The following COL4A6 variants were observed in gnomAD, a reference collection of about 807,000 sequenced individuals.
COL4A6 encodes collagen alpha-6(IV) chain.
COL4A6 carries 59 observed loss-of-function variants against 126.7 expected under a neutral mutation model. The observed-to-expected ratio is 0.47, with a 90% CI of 0.38 to 0.58. The LOEUF is 0.58. Among genes scored for constraint, COL4A6 ranks in the 20% least tolerant of loss-of-function variants. COL4A6 has a pLI of 0.00. For synonymous variants in COL4A6, 547 were observed against 496.6 expected (o/e 1.10, Z -1.35); for missense variants, 1,285 against 1,337.3 (o/e 0.96, Z 0.61).
rs761773870 is a variant in COL4A6, at chrX:108,219,692, A to G, written c.324+6T>C. The stretch of plus-strand genomic sequence containing the variant: ...ATATGAAAAATTCATCTGTGGACAC[A>G]CTCACCGGAATCCCATTGATGCCAA... On this transcript the variant is annotated splice_donor_region_variant and intron_variant, in intron 5 of 44. Transcript: ENST00000334504. The G allele has an allele frequency of 5.8e-6, 7 of 1,206,172 alleles. No individual in the cohort carries two copies. Among genetic ancestry groups the G allele is most frequent in the Middle Eastern group, 2.3e-4 (1 of 4,338 alleles).
At chrX:108,266,881 AT>A (rs1312709727) in intron 3 of COL4A6, among the ~76,000 whole-genome samples, 2 of 111,419 alleles carry the variant, frequency 1.8e-5, no homozygotes, top group African/African-American at 3.3e-5. Flanking sequence ...TAGGGATAGG[AT>A]TTTTTGTCAT....
At chrX:108,390,162 T>G (rs998845744) in intron 2 of COL4A6, among the ~76,000 whole-genome samples, 1 of 111,556 alleles carries the variant, frequency 9.0e-6, no homozygotes, top group Non-Finnish European at 1.9e-5. Context: ...GCCCTTAACA[T>G]TTTTTCCTTC....
At chrX:108,393,438 A>G (rs2040881894) in intron 2 of COL4A6, among the ~76,000 whole-genome samples, 1 of 112,228 alleles carries the variant, frequency 8.9e-6, no homozygotes, top group African/African-American at 3.2e-5. Flanking sequence ...AGGCAAATCT[A>G]TAGAGACAGA....
intron 2 of COL4A6, among the ~76,000 whole-genome samples, chrX:108,349,962 T>G (rs747271498): frequency 5.4e-5 from 6 of 111,897 alleles, no homozygotes; most frequent in Non-Finnish European, 1.1e-4. Flanking sequence ...TTTACAGATG[T>G]GGACACTGGG....
At chrX:108,352,250 A>G (rs1268537822) in intron 2 of COL4A6, among the ~76,000 whole-genome samples, 1 of 112,838 alleles carries the variant, frequency 8.9e-6, no homozygotes, top group Non-Finnish European at 1.9e-5. Context: ...AATGAACACT[A>G]AAGCTGTGTT....
chrX:108,273,410 G>A (rs2037508220), intron 3 of COL4A6, among the ~76,000 whole-genome samples: 1 of 110,548 alleles, frequency 9.0e-6, no homozygotes, highest in Non-Finnish European at 1.9e-5. Flanking sequence ...AACCATTGTG[G>A]AAGACAGTGT....
chrX:108,344,240 C>A (rs997904216), intron 2 of COL4A6, among the ~76,000 whole-genome samples: 4 of 111,211 alleles, frequency 3.6e-5, no homozygotes, highest in Non-Finnish European at 7.5e-5. Context: ...GTTGCATCTG[C>A]CTTTTACTTC....
intron 3 of COL4A6, among the ~76,000 whole-genome samples, chrX:108,294,897 C>A (rs1335542861): frequency 1.8e-5 from 2 of 111,589 alleles, no homozygotes; most frequent in African/African-American, 6.5e-5. Context: ...AAGGGGTGAG[C>A]TTTATGGTAT....
intron 23 of COL4A6, chrX:108,183,772 C>T: frequency 2.2e-6 from 2 of 928,595 alleles, no homozygotes; most frequent in South Asian, 1.2e-4. Context: ...GCAGCAGTCA[C>T]CTAGAGCAAT....
chrX:108,219,574 C>CATAA (rs2035955279), intron 5 of COL4A6, 124 bp downstream of exon 5: 1 of 631,966 alleles, frequency 1.6e-6, no homozygotes, highest in African/African-American at 2.2e-5. Flanking sequence ...CCTCACCATA[C>CATAA]ATATCTCAAC....
intron 2 of COL4A6, among the ~76,000 whole-genome samples, chrX:108,335,627 A>C (rs1238028224): frequency 9.0e-6 from 1 of 111,569 alleles, no homozygotes; most frequent in Admixed American, 9.6e-5. Flanking sequence ...ACACACACAT[A>C]TATATACACA....
At chrX:108,169,801 C>T (rs2034245626) in intron 36 of COL4A6, 144 bp downstream of exon 36, 4 of 818,848 alleles carry the variant, frequency 4.9e-6, no homozygotes, top group Non-Finnish European at 5.2e-6. Context: ...TTCTCCATAT[C>T]AAGGGACCTC....
chrX:108,354,109 C>T (rs1228112707), intron 2 of COL4A6, among the ~76,000 whole-genome samples: 1 of 111,054 alleles, frequency 9.0e-6, no homozygotes, highest in African/African-American at 3.3e-5. Context: ...GCTGAGATTG[C>T]GAGATTGTGC....
intron 3 of COL4A6, among the ~76,000 whole-genome samples, chrX:108,280,612 G>A (rs955916723): frequency 1.8e-5 from 2 of 111,863 alleles, no homozygotes; most frequent in Non-Finnish European, 3.8e-5. Flanking sequence ...CCAGTCAATA[G>A]AAAAAGACGG....
intron 3 of COL4A6, among the ~76,000 whole-genome samples, chrX:108,279,099 A>C (rs2037715299): frequency 8.9e-6 from 1 of 111,973 alleles, no homozygotes; most frequent in African/African-American, 3.3e-5. Flanking sequence ...TAGCAAAATA[A>C]CCAGCTAACA....
At chrX:108,285,648 TGTATG>T (rs2037986359) in intron 3 of COL4A6, among the ~76,000 whole-genome samples, 2 of 111,471 alleles carry the variant, frequency 1.8e-5, no homozygotes, top group African/African-American at 6.5e-5. Context: ...ACACTTGGTT[TGTATG>T]GCACCTTGCA....
intron 2 of COL4A6, among the ~76,000 whole-genome samples, chrX:108,386,495 A>G (rs1390374041): frequency 9.0e-6 from 1 of 111,672 alleles, no homozygotes; most frequent in African/African-American, 3.3e-5. Flanking sequence ...TTTTCCATAC[A>G]TTTGTTGGCT....
chrX:108,231,640 G>A (rs934418964), intron 3 of COL4A6, among the ~76,000 whole-genome samples: 3 of 111,362 alleles, frequency 2.7e-5, no homozygotes, highest in Non-Finnish European at 3.8e-5. Context: ...TGATATCAAA[G>A]CCTCTGTTTC....
rs1354513416 is a variant in COL4A6 at position 108,219,712 on chromosome X, T to C, written c.310A>G (p.Ile104Val). ...GACACACTCACCGGAATCCCATTGA[T>C]GCCAAGAAAGCCAGGAACTCCCATG... is the stretch of plus-strand genomic sequence containing the variant. ...GPMGVPGFLG[I>V]NGIPGHPGQP... is the part of the protein sequence containing the mutation. Residue 104 changes from isoleucine (I) to valine (V), a missense_variant, in exon 5 of 45, where the codon ATC becomes GTC. Physicochemically the swap from Ile to Val is conservative, Grantham distance 29 (BLOSUM62 3). Coordinates refer to ENST00000334504, the MANE Select transcript of COL4A6 (RefSeq NM_033641.4). The C allele has an allele frequency of 5.8e-6, 7 of 1,207,675 alleles. No homozygotes were observed. Among genetic ancestry groups the C allele is most frequent in the Non-Finnish European group, 7.8e-6 (7 of 893,520 alleles).
Sources: allele counts gnomAD v4.1 joint callset (sites outside exome capture counted in the v4.1 genomes callset), GRCh38; gene constraint gnomAD v4.1.1; transcripts MANE v1.5; gene names NCBI Gene and HGNC (gene_info 2026-07-23, HGNC 2026-07-21).